The following IPO11 variants were observed in gnomAD, a reference collection of about 807,000 sequenced individuals.
The protein encoded by IPO11 is importin-11.
Under a neutral mutation model 143.2 loss-of-function variants are expected in IPO11, and 66 were observed. The observed-to-expected ratio is 0.46, with a 90% CI of 0.38 to 0.57. The LOEUF is 0.57. Ranked by LOEUF, IPO11 falls within the 20% of genes least tolerant of loss-of-function variation. The probability of loss-of-function intolerance (pLI) is 0.00; values close to 1 mark genes in which losing one functional copy is unlikely to be tolerated. For synonymous variants in IPO11, 385 were observed against 377.8 expected (o/e 1.02, Z -0.22); for missense variants, 1,026 against 1,141.0 (o/e 0.90, Z 1.45).
At chr5:62,529,923 GT>G (rs1478309772) in intron 21 of IPO11, among the ~76,000 whole-genome samples, 2 of 152,076 alleles carry the variant, frequency 1.3e-5, no homozygotes, top group Admixed American at 1.3e-4. Context: ...TGTAATTTGC[GT>G]TTGTTGCACT....
intron 19 of IPO11, among the ~76,000 whole-genome samples, chr5:62,514,861 G>GT (rs561719818): frequency 2.6e-5 from 4 of 151,876 alleles, no homozygotes; most frequent in African/African-American, 4.8e-5. Context: ...CTTTGAAAAT[G>GT]TTTTTTTTCT....
At position 62,511,240 on chromosome 5, in the gene IPO11, T is replaced by C. The variant is rs114386235; in HGVS notation, c.1783-4148T>C. ...GGAAAGTATCCTCCCTCTTTAAAAC[T>C]AAAACTACCTCATTTTCCTTACCAG... On this transcript the variant is annotated intron_variant, in intron 19 of 29. Coordinates refer to ENST00000325324, the MANE Select transcript of IPO11 (RefSeq NM_016338.5). 9.1e-3 allele frequency among the ~76,000 whole-genome samples: 1,388 copies of C among 152,312 alleles called. 20 individuals carry two copies. The highest frequency in any genetic ancestry group is 0.031 in the African/African-American group (1,308 of 41,564).
chr5:62,545,411 A>C (rs543369430), intron 24 of IPO11, among the ~76,000 whole-genome samples: 2,669 of 152,280 alleles, frequency 0.018, 88 homozygotes, highest in African/African-American at 0.061. Context: ...GAAAGCTGAA[A>C]CTGGATCCCT....
chr5:62,505,632 A>C (rs1741529298), intron 18 of IPO11, among the ~76,000 whole-genome samples: 1 of 152,120 alleles, frequency 6.6e-6, no homozygotes, highest in Non-Finnish European at 1.5e-5. Context: ...TGCTTTATGT[A>C]AGTGTGATTT....
chr5:62,426,395 A>G (rs943681777), intron 1 of IPO11, among the ~76,000 whole-genome samples: 5 of 134,242 alleles, frequency 3.7e-5, no homozygotes, highest in African/African-American at 1.2e-4. Flanking sequence ...CTCAAAACAG[A>G]CAAACAAACA....
At chr5:62,479,367 T>C (rs1746099421) in intron 9 of IPO11, among the ~76,000 whole-genome samples, 2 of 152,216 alleles carry the variant, frequency 1.3e-5, no homozygotes, top group Admixed American at 1.3e-4. Context: ...TTCCAAGTCT[T>C]TGCTATTGTG....
intron 27 of IPO11, among the ~76,000 whole-genome samples, chr5:62,576,600 G>A (rs1312614381): frequency 1.3e-5 from 2 of 152,172 alleles, no homozygotes; most frequent in Non-Finnish European, 2.9e-5. Context: ...AGACCAGCCT[G>A]AGCAGAATGG....
Position 62,450,147 on chromosome 5 carries a change from A to G in IPO11, c.312+148A>G, listed in dbSNP as rs918365812. 13 of 532,198 alleles carry G rather than the reference A, an allele frequency of 2.4e-5. 1 individual carries two copies. The highest frequency in any genetic ancestry group is 4.0e-5 in the Admixed American group (1 of 24,848). 33.0% of individuals were successfully genotyped at this position (532,198 alleles called of 1,614,324 possible). On this transcript the variant is annotated intron_variant, in intron 4 of 29. Transcript: ENST00000325324. The stretch of plus-strand genomic sequence containing the variant: ...TTTTTATCTATTTTTAAATTTTGAG[A>G]TCTATTTGTAGCGTTGAATAGTTTT...
intron 12 of IPO11, among the ~76,000 whole-genome samples, chr5:62,487,213 G>T (rs541010888): frequency 6.6e-6 from 1 of 152,096 alleles, no homozygotes; most frequent in African/African-American, 2.4e-5. Context: ...TAAGAGAAAG[G>T]CTACTTTATT....
chr5:62,438,032 C>T (rs909882111), intron 2 of IPO11, among the ~76,000 whole-genome samples: 7 of 152,150 alleles, frequency 4.6e-5, no homozygotes, highest in Admixed American at 3.9e-4. Flanking sequence ...TACTTTTCTT[C>T]TGAGAAATTG....
intron 27 of IPO11, among the ~76,000 whole-genome samples, chr5:62,586,760 A>ATATATATATATATATATATATAT (rs1233897638): frequency 1.2e-5 from 1 of 81,614 alleles, no homozygotes; most frequent in Admixed American, 1.3e-4. Flanking sequence ...TCCAAAAAAA[A>ATATATATATATATATATATATAT]AAAAAAAAAT....
intron 27 of IPO11, among the ~76,000 whole-genome samples, chr5:62,562,500 GT>G (rs760579324): frequency 1.3e-5 from 2 of 152,158 alleles, no homozygotes; most frequent in Non-Finnish European, 2.9e-5. Flanking sequence ...TGCATGCACT[GT>G]TCACAATAGG....
chr5:62,572,574 T>C (rs1338630270), intron 27 of IPO11, among the ~76,000 whole-genome samples: 1 of 151,352 alleles, frequency 6.6e-6, no homozygotes, highest in Non-Finnish European at 1.5e-5. Context: ...TATTTATTTA[T>C]TTATTTATTT....
Position 62,627,577 on chromosome 5 carries a change from G to A in IPO11, c.*259G>A, listed in dbSNP as rs1234755150. On this transcript the variant is annotated 3_prime_UTR_variant, in exon 30 of 30. Transcript: ENST00000325324. The stretch of plus-strand genomic sequence containing the variant: ...AAGTACATGTAAAAGTACATTTGAT[G>A]ACAATAGCTGCTTAGTTTCCTGTTA... The A allele has an allele frequency of 6.7e-6, 2 of 298,218 alleles. No individual in the cohort carries two copies. Among genetic ancestry groups the A allele is most frequent in the Non-Finnish European group, 1.2e-5 (2 of 163,186 alleles). The allele number at this position is 298,218 out of a possible 1,614,324, so 18.5% of individuals were successfully genotyped here.
intron 1 of IPO11, among the ~76,000 whole-genome samples, chr5:62,414,784 C>T (rs1215265568): frequency 6.6e-6 from 1 of 152,158 alleles, no homozygotes; most frequent in Non-Finnish European, 1.5e-5. Context: ...TCTTGAGATG[C>T]ACTACTTTGG....
intron 1 of IPO11, among the ~76,000 whole-genome samples, chr5:62,418,241 C>T (rs1743373112): frequency 6.6e-6 from 1 of 151,846 alleles, no homozygotes; most frequent in Non-Finnish European, 1.5e-5. Context: ...TCTCGGCTCA[C>T]TGCGACCTCC....
chr5:62,434,760 T>G (rs966575646), intron 1 of IPO11, among the ~76,000 whole-genome samples: 9 of 152,094 alleles, frequency 5.9e-5, no homozygotes, highest in Admixed American at 3.3e-4. Context: ...TGCAGTGGCT[T>G]ACACCTGTAA....
intron 15 of IPO11, among the ~76,000 whole-genome samples, chr5:62,491,961 AAT>A (rs1746628636): frequency 6.6e-6 from 1 of 152,068 alleles, no homozygotes; most frequent in South Asian, 2.1e-4. Flanking sequence ...TTTCTCTTAT[AAT>A]GTGGGTACTA....
intron 29 of IPO11, among the ~76,000 whole-genome samples, chr5:62,603,629 T>G (rs1216252494): frequency 6.6e-6 from 1 of 152,166 alleles, no homozygotes; most frequent in African/African-American, 2.4e-5. Context: ...TGGGAACAAT[T>G]TAAACACGCC....
Sources: allele counts gnomAD v4.1 joint callset (sites outside exome capture counted in the v4.1 genomes callset), GRCh38; gene constraint gnomAD v4.1.1; transcripts MANE v1.5; gene names NCBI Gene and HGNC (gene_info 2026-07-23, HGNC 2026-07-21).